SNTB1: variants seen among roughly 807,000 people sequenced by gnomAD.
The protein encoded by SNTB1 is syntrophin beta 1, also known as beta-1-syntrophin.
Under a neutral mutation model 48.9 loss-of-function variants are expected in SNTB1, and 36 were observed. The ratio of observed to expected loss-of-function variants is 0.74; its 90% CI spans 0.56 to 0.97. The LOEUF (loss-of-function observed/expected upper bound fraction) is 0.97, where lower values mean the gene tolerates loss of function less well. Among genes scored for constraint, SNTB1 ranks in the 50% least tolerant of loss-of-function variants. The pLI is 0.00. For synonymous variants in SNTB1, 299 were observed against 294.6 expected (o/e 1.01, Z -0.15); for missense variants, 786 against 703.4 (o/e 1.12, Z -1.33).
At chr8:120,580,347 A>T (rs1418583076) in intron 3 of SNTB1, among the ~76,000 whole-genome samples, 1 of 152,244 alleles carries the variant, frequency 6.6e-6, no homozygotes, top group African/African-American at 2.4e-5. Flanking sequence ...GGACGTGAAC[A>T]GCTTACTTAA....
chr8:120,657,628 G>A (rs554783354), intron 2 of SNTB1, among the ~76,000 whole-genome samples: 91 of 152,228 alleles, frequency 6.0e-4, no homozygotes, highest in African/African-American at 2.1e-3. Context: ...TTGAGTCCTG[G>A]ATTTTTTCAT....
At chr8:120,767,749 C>T (rs1268138969) in intron 1 of SNTB1, among the ~76,000 whole-genome samples, 1 of 152,152 alleles carries the variant, frequency 6.6e-6, no homozygotes, top group Non-Finnish European at 1.5e-5. Flanking sequence ...TGCAAGAGTG[C>T]CACAATCAAA....
chr8:120,680,236 A>G (rs189401311), intron 2 of SNTB1, among the ~76,000 whole-genome samples: 70 of 152,320 alleles, frequency 4.6e-4, no homozygotes, highest in Non-Finnish European at 8.5e-4. Context: ...TGTTTGCTTA[A>G]TTACCAACTT....
At chr8:120,694,729 A>ATATATATAAATATATG (rs909341941) in intron 1 of SNTB1, among the ~76,000 whole-genome samples, 2 of 152,014 alleles carry the variant, frequency 1.3e-5, no homozygotes, top group Non-Finnish European at 2.9e-5. Flanking sequence ...ATGTGCTTAT[A>ATATATATAAATATATG]TGCCTACAAT....
chr8:120,581,088 CAAAAAAAA>C (rs775547135), intron 3 of SNTB1, among the ~76,000 whole-genome samples: 3 of 89,996 alleles, frequency 3.3e-5, no homozygotes, highest in African/African-American at 1.1e-4. Context: ...GACCCTGTCT[CAAAAAAAA>C]AAAAAAAAAA....
chr8:120,591,953 G>A (rs1428922979), intron 3 of SNTB1, among the ~76,000 whole-genome samples: 1 of 152,058 alleles, frequency 6.6e-6, no homozygotes, highest in Non-Finnish European at 1.5e-5. Flanking sequence ...GACCACTTCA[G>A]TTTAATTTTT....
At chr8:120,694,328 G>A (rs867784328) in intron 1 of SNTB1, among the ~76,000 whole-genome samples, 11 of 152,032 alleles carry the variant, frequency 7.2e-5, no homozygotes, top group Non-Finnish European at 1.2e-4. Flanking sequence ...TTTTTCTGTT[G>A]AGAAACAATC....
At chr8:120,736,202 A>G (rs1410267663) in intron 1 of SNTB1, among the ~76,000 whole-genome samples, 1 of 152,120 alleles carries the variant, frequency 6.6e-6, no homozygotes, top group South Asian at 2.1e-4. Flanking sequence ...TGTCCCCATG[A>G]TTCAATTACC....
At chr8:120,588,587 C>T (rs1160043607) in intron 3 of SNTB1, among the ~76,000 whole-genome samples, 1 of 151,858 alleles carries the variant, frequency 6.6e-6, no homozygotes, top group Non-Finnish European at 1.5e-5. Flanking sequence ...GTAGTAAGGA[C>T]ATAAATCTTA....
At chr8:120,571,454 G>A in intron 4 of SNTB1, 1 of 469,418 alleles carries the variant, frequency 2.1e-6, no homozygotes, top group Non-Finnish European at 3.8e-6. Context: ...TGCAGTTAAG[G>A]ATGTTTACAT....
intron 3 of SNTB1, among the ~76,000 whole-genome samples, chr8:120,627,989 A>C (rs1165204040): frequency 1.3e-5 from 2 of 152,212 alleles, no homozygotes; most frequent in African/African-American, 4.8e-5. Flanking sequence ...AGTATGAATT[A>C]CCAACTTCCT....
In SNTB1 at chr8:120,612,162, C is replaced by T. The variant is rs866107841; in HGVS notation, c.996+20282G>A. Among the ~76,000 whole-genome samples the T allele has an allele frequency of 6.6e-5, 10 of 152,282 alleles. No individual in the cohort carries two copies. In the South Asian group the frequency reaches 1.2e-3, roughly 19 times the overall value. ...GTGTTTAACTGATATTTCCACTTTG[C>T]GTAGTGGTCCTTATAATAACAATAA... On this transcript the variant is annotated intron_variant, in intron 3 of 6. Coordinates refer to ENST00000517992, the MANE Select transcript of SNTB1 (RefSeq NM_021021.4).
chr8:120,555,825 G>A (rs1297085362), intron 4 of SNTB1, among the ~76,000 whole-genome samples: 1 of 152,138 alleles, frequency 6.6e-6, no homozygotes, highest in East Asian at 1.9e-4. Context: ...AGAAGAGGAA[G>A]AGAAGCCAAA....
At chr8:120,547,030 G>A (rs1452578177) in intron 5 of SNTB1, among the ~76,000 whole-genome samples, 3 of 152,138 alleles carry the variant, frequency 2.0e-5, no homozygotes, top group African/African-American at 7.2e-5. Flanking sequence ...GTTGAAGTCA[G>A]ATCTGTCATT....
In SNTB1 at chr8:120,711,497, C is replaced by T. The variant is rs76223034; in HGVS notation, c.572-17589G>A. 5.3e-5 allele frequency among the ~76,000 whole-genome samples: 8 copies of T among 152,246 alleles called. No individual in the cohort carries two copies. The East Asian group carries it at 1.4e-3, about 26-fold the overall frequency. ...TATTATCCATTGTCCTGGGCCTCCT[C>T]GCTTCCCTCCATGCAAGACTGTTTA... On this transcript the variant is annotated intron_variant, in intron 1 of 6. Coordinates refer to ENST00000517992, the MANE Select transcript of SNTB1 (RefSeq NM_021021.4).
At chr8:120,685,162 C>G (rs1018926022) in intron 2 of SNTB1, among the ~76,000 whole-genome samples, 6 of 152,204 alleles carry the variant, frequency 3.9e-5, no homozygotes, top group African/African-American at 1.2e-4. Context: ...GATGGCTCTA[C>G]TGGTGGGAGG....
intron 3 of SNTB1, among the ~76,000 whole-genome samples, chr8:120,629,733 G>A (rs1273315308): frequency 1.3e-5 from 2 of 152,114 alleles, no homozygotes; most frequent in Non-Finnish European, 2.9e-5. Flanking sequence ...TGAAAATGAA[G>A]GCAATAAAAG....
intron 3 of SNTB1, among the ~76,000 whole-genome samples, chr8:120,580,904 G>A (rs1448678587): frequency 6.6e-6 from 1 of 151,942 alleles, no homozygotes; most frequent in African/African-American, 2.4e-5. Flanking sequence ...ACAATCCCCA[G>A]GACCCAGGAA....
At chr8:120,766,841 T>C (rs539135878) in intron 1 of SNTB1, among the ~76,000 whole-genome samples, 39 of 152,338 alleles carry the variant, frequency 2.6e-4, no homozygotes, top group African/African-American at 9.1e-4. Flanking sequence ...TTGGGGTTCA[T>C]TGCTGTTGTT....
Sources: allele counts gnomAD v4.1 joint callset (sites outside exome capture counted in the v4.1 genomes callset), GRCh38; gene constraint gnomAD v4.1.1; transcripts MANE v1.5; gene names NCBI Gene and HGNC (gene_info 2026-07-23, HGNC 2026-07-21).